The following QRFPR variants were observed in gnomAD, a reference collection of about 807,000 sequenced individuals.
QRFPR encodes the protein pyroglutamylated RFamide peptide receptor.
In QRFPR, 37 loss-of-function variants were observed where a neutral mutation model predicts 31.3. The ratio of observed to expected loss-of-function variants is 1.18; its 90% CI spans 0.91 to 1.56. The LOEUF (loss-of-function observed/expected upper bound fraction) is 1.56, where lower values mean the gene tolerates loss of function less well. QRFPR is among the 40% of genes most tolerant of loss of function. The pLI, the probability that QRFPR is intolerant of heterozygous loss-of-function variation, is 0.00. For missense variants in QRFPR, 542 were observed against 532.5 expected (o/e 1.02, Z -0.18); for synonymous variants, 197 against 192.0 (o/e 1.03, Z -0.22).
At chr4:121,369,580 G>A (rs143638179) in intron 1 of QRFPR, 66,452 of 1,611,102 alleles carry the variant, frequency 0.041, 1,682 homozygotes, top group Non-Finnish European at 0.05. Flanking sequence ...CCTGGGCACG[G>A]ATCAGTTCCA....
intron 1 of QRFPR, among the ~76,000 whole-genome samples, chr4:121,352,629 G>A (rs1725784656): frequency 6.6e-6 from 1 of 151,948 alleles, no homozygotes; most frequent in South Asian, 2.1e-4. Flanking sequence ...CCAGGTACAT[G>A]TGATGTTTTG....
At chr4:121,379,711 CACTT>C (rs947521657) in intron 1 of QRFPR, among the ~76,000 whole-genome samples, 3 of 152,176 alleles carry the variant, frequency 2.0e-5, no homozygotes, top group Non-Finnish European at 4.4e-5. Flanking sequence ...TCCTGCATGA[CACTT>C]AATACAGTTT....
chr4:121,360,873 C>T (rs1218690288), intron 1 of QRFPR, among the ~76,000 whole-genome samples: 2 of 152,168 alleles, frequency 1.3e-5, no homozygotes, highest in South Asian at 4.1e-4. Context: ...GAACTATTCA[C>T]ATTTTCCAAA....
chr4:121,367,342 C>A (rs1225964944), intron 1 of QRFPR, among the ~76,000 whole-genome samples: 1 of 149,986 alleles, frequency 6.7e-6, no homozygotes, highest in Non-Finnish European at 1.5e-5. Context: ...ACTTTATCCT[C>A]CTCTAGAGAT....
In QRFPR at chr4:121,376,688, G is replaced by T. The variant is rs142971653; in HGVS notation, c.340+3620C>A. ...ACCTGAGTAGAGTTGTGCACACTGG[G>T]CTCTGTAAGGCAGTGTGGCTGGCTC... On this transcript the variant is annotated intron_variant, in intron 1 of 5. Coordinates refer to ENST00000394427, the MANE Select transcript of QRFPR (RefSeq NM_198179.3). Among the ~76,000 whole-genome samples the T allele has an allele frequency of 3.1e-3, 465 of 152,306 alleles. 2 individuals are homozygous for T. Among genetic ancestry groups the T allele is most frequent in the Admixed American group, 6.5e-3 (100 of 15,308 alleles).
rs1726469010 is a variant in QRFPR, at chr4:121,380,480, G to A, written c.168C>T (p.Phe56=). 1 of 1,614,132 alleles carries A rather than the reference G, an allele frequency of 6.2e-7. No homozygotes were observed. Among genetic ancestry groups the A allele is most frequent in the Non-Finnish European group, 8.5e-7 (1 of 1,180,044 alleles). Residue 56 remains phenylalanine, a synonymous_variant, in exon 1 of 6, where the codon TTC becomes TTT. Coordinates refer to ENST00000394427, the MANE Select transcript of QRFPR (RefSeq NM_198179.3). ...LALVLTGVLI[F]ALALFGNALV... ...GAGCATTGCCAAAGAGCGCCAGGGCGAAGATGAGCACGCCGGTGAGCACGA... is the reference window on the plus strand; with the variant it reads ...GAGCATTGCCAAAGAGCGCCAGGGCAAAGATGAGCACGCCGGTGAGCACGA...
intron 2 of QRFPR, among the ~76,000 whole-genome samples, chr4:121,338,663 G>A (rs1051036886): frequency 6.6e-6 from 1 of 152,148 alleles, no homozygotes; most frequent in Non-Finnish European, 1.5e-5. Context: ...GGAGGAATGG[G>A]GCGTGACTGA....
At chr4:121,367,992 A>G (rs1726159219) in intron 1 of QRFPR, among the ~76,000 whole-genome samples, 2 of 149,376 alleles carry the variant, frequency 1.3e-5, no homozygotes, top group East Asian at 2.0e-4. Context: ...GGGCCTCTCT[A>G]TGGAAAGGCC....
intron 1 of QRFPR, among the ~76,000 whole-genome samples, chr4:121,350,423 T>A (rs578074270): frequency 1.3e-5 from 2 of 152,190 alleles, no homozygotes; most frequent in African/African-American, 4.8e-5. Context: ...TATTTCAGAT[T>A]GACATTCTGA....
chr4:121,329,757 A>C (rs891999841), intron 5 of QRFPR, 43 bp from the exon 6 acceptor site: 1 of 1,304,778 alleles, frequency 7.7e-7, no homozygotes, highest in Non-Finnish European at 1.0e-6. Context: ...TATTTTAAGG[A>C]GTATAAAATA....
intron 1 of QRFPR, chr4:121,370,304 A>G (rs1274363782): frequency 2.6e-6 from 2 of 775,068 alleles, no homozygotes; most frequent in Non-Finnish European, 4.8e-6. Context: ...CTAGAGGCCC[A>G]CTAGCCTCAA....
At chr4:121,343,227 C>G (rs943160210) in intron 1 of QRFPR, among the ~76,000 whole-genome samples, 4 of 152,184 alleles carry the variant, frequency 2.6e-5, no homozygotes, top group African/African-American at 9.7e-5. Context: ...AAATGGCTGG[C>G]TTCCGTTGAA....
chr4:121,337,319 C>T (rs989285691), intron 2 of QRFPR, among the ~76,000 whole-genome samples: 3 of 152,210 alleles, frequency 2.0e-5, no homozygotes, highest in African/African-American at 7.2e-5. Context: ...CAGGACTTGA[C>T]TCAGAAATCA....
chr4:121,366,017 C>T (rs1386568754), intron 1 of QRFPR, among the ~76,000 whole-genome samples: 1 of 148,884 alleles, frequency 6.7e-6, no homozygotes, highest in African/African-American at 2.5e-5. Flanking sequence ...TCATGGCAGA[C>T]TTTCACTACA....
In QRFPR at chr4:121,380,820, G is replaced by A. The variant is rs1026160176; in HGVS notation, c.-173C>T. The A allele has an allele frequency of 5.0e-6, 3 of 601,224 alleles. No individual in the cohort carries two copies. Among genetic ancestry groups the A allele is most frequent in the Non-Finnish European group, 8.7e-6 (3 of 345,374 alleles). The allele number at this position is 601,224 out of a possible 1,614,324, so 37.2% of individuals were successfully genotyped here. A position where few individuals can be genotyped will look rare whatever the true frequency, so the allele number is the denominator to read the frequency against. ...ACCCCGGGAGGTTCGGGAAAGGAGAGCAGCTCAGGGATCAAACCCACGATA... is the reference window on the plus strand; with the variant it reads ...ACCCCGGGAGGTTCGGGAAAGGAGAACAGCTCAGGGATCAAACCCACGATA... On this transcript the variant is annotated 5_prime_UTR_variant, in exon 1 of 6. Coordinates refer to ENST00000394427, the MANE Select transcript of QRFPR (RefSeq NM_198179.3).
intron 1 of QRFPR, among the ~76,000 whole-genome samples, chr4:121,346,862 C>T (rs949996446): frequency 3.9e-5 from 6 of 152,090 alleles, no homozygotes; most frequent in Admixed American, 3.9e-4. Context: ...GCCTTGCATA[C>T]CTGGAATAAA....
chr4:121,351,996 C>T (rs1181840418), intron 1 of QRFPR, among the ~76,000 whole-genome samples: 1 of 151,992 alleles, frequency 6.6e-6, no homozygotes, highest in African/African-American at 2.4e-5. Context: ...CAGACATAGA[C>T]AAACACTAAG....
chr4:121,335,587 G>A (rs1268902346), intron 3 of QRFPR, among the ~76,000 whole-genome samples: 1 of 61,188 alleles, frequency 1.6e-5, no homozygotes, highest in Non-Finnish European at 3.3e-5. Context: ...GTGGGGGGTG[G>A]GGCGGGGAGA....
intron 2 of QRFPR, among the ~76,000 whole-genome samples, chr4:121,338,537 G>A (rs554963772): frequency 9.9e-5 from 15 of 152,162 alleles, no homozygotes; most frequent in Non-Finnish European, 1.9e-4. Flanking sequence ...ATCAGCAATC[G>A]TTAGTGTTAG....
Sources: gnomAD v4.1 joint callset for allele counts (sites outside exome capture counted in the v4.1 genomes callset) on GRCh38, gnomAD v4.1.1 for gene constraint, MANE v1.5 for transcripts, NCBI Gene and HGNC (gene_info 2026-07-23, HGNC 2026-07-21) for gene names.